GRM7: variants seen among roughly 807,000 people sequenced by gnomAD.
GRM7 encodes metabotropic glutamate receptor 7.
GRM7 carries 35 observed loss-of-function variants against 84.5 expected under a neutral mutation model. The ratio of observed to expected loss-of-function variants is 0.41; its 90% CI spans 0.32 to 0.55. The LOEUF (loss-of-function observed/expected upper bound fraction) is 0.55. Ranked by LOEUF, GRM7 falls within the 20% of genes least tolerant of loss-of-function variation. The probability of loss-of-function intolerance (pLI) is 0.19; values close to 1 mark genes in which losing one functional copy is unlikely to be tolerated. For missense variants in GRM7, 1,003 were observed against 1,194.6 expected, an observed-to-expected ratio of 0.84 and a Z score of 2.36; for synonymous variants, 487 against 455.1, an observed-to-expected ratio of 1.07 and a Z score of -0.89.
intron 1 of GRM7, among the ~76,000 whole-genome samples, chr3:7,081,461 A>G (rs1033040837): frequency 6.6e-6 from 1 of 152,010 alleles, no homozygotes; most frequent in African/African-American, 2.4e-5. Flanking sequence ...TGACTATTCC[A>G]TTGACTGGTT....
At chr3:6,950,982 T>C (rs1468284942) in intron 1 of GRM7, among the ~76,000 whole-genome samples, 5 of 152,198 alleles carry the variant, frequency 3.3e-5, no homozygotes, top group Non-Finnish European at 5.9e-5. Context: ...GGAAAGGGAA[T>C]TCCCTGACCC....
intron 4 of GRM7, 36 bp downstream of exon 4, chr3:7,306,688 A>T (rs746707157): frequency 6.5e-7 from 1 of 1,533,480 alleles, no homozygotes; most frequent in South Asian, 1.3e-5. Flanking sequence ...TGCTGAGAGA[A>T]GTTCTGGTGC....
At chr3:7,579,724 T>G (rs1224722422) in intron 8 of GRM7, among the ~76,000 whole-genome samples, 1 of 152,144 alleles carries the variant, frequency 6.6e-6, no homozygotes, top group Non-Finnish European at 1.5e-5. Flanking sequence ...AGGAGCATAG[T>G]ACCTTCTCCA....
At position 7,557,042 on chromosome 3, in the gene GRM7, A is replaced by G. The variant is rs149908405; in HGVS notation, c.1516-21380A>G. Among the ~76,000 whole-genome samples, 991 of 152,270 alleles carry G rather than the reference A, an allele frequency of 6.5e-3. 8 individuals are homozygous for G. Among genetic ancestry groups the G allele is most frequent in the African/African-American group, 0.022 (920 of 41,550 alleles). On this transcript the variant is annotated intron_variant, in intron 7 of 9. Transcript: ENST00000357716. ...AAAACCCATCTGATGAATTTTAAAC[A>G]GTGAAGAGTAGGGTTACTATGACTA...
chr3:7,398,880 T>G (rs1695328786), intron 4 of GRM7, among the ~76,000 whole-genome samples: 1 of 151,936 alleles, frequency 6.6e-6, no homozygotes. Context: ...TTCTGTACCT[T>G]CCTCCCTCTT....
At chr3:7,049,610 A>G (rs908485035) in intron 1 of GRM7, among the ~76,000 whole-genome samples, 8 of 151,924 alleles carry the variant, frequency 5.3e-5, no homozygotes, top group African/African-American at 1.4e-4. Flanking sequence ...AAACATTTCC[A>G]CAAAAAATAA....
chr3:7,391,558 G>T (rs572427683), intron 4 of GRM7, among the ~76,000 whole-genome samples: 2 of 152,048 alleles, frequency 1.3e-5, no homozygotes, highest in South Asian at 2.1e-4. Flanking sequence ...GGGGCCTGTC[G>T]TGGGGCGGGG....
At chr3:7,651,497 A>G (rs1698936205) in intron 8 of GRM7, among the ~76,000 whole-genome samples, 1 of 152,190 alleles carries the variant, frequency 6.6e-6, no homozygotes, top group Non-Finnish European at 1.5e-5. Flanking sequence ...AAACTGGCAA[A>G]GCTCTTGCTC....
At chr3:7,356,304 T>G (rs1603906) in intron 4 of GRM7, among the ~76,000 whole-genome samples, 2 of 151,460 alleles carry the variant, frequency 1.3e-5, no homozygotes, top group Non-Finnish European at 2.9e-5. Flanking sequence ...AGGATTTTTT[T>G]TTTTTTATTT....
intron 9 of GRM7, among the ~76,000 whole-genome samples, chr3:7,737,644 C>G (rs989413959): frequency 1.1e-4 from 16 of 152,090 alleles, no homozygotes; most frequent in Non-Finnish European, 1.6e-4. Flanking sequence ...AATTGCCCTT[C>G]TAGGACCTGC....
At chr3:7,547,439 C>T (rs1456253684) in intron 7 of GRM7, among the ~76,000 whole-genome samples, 3 of 152,034 alleles carry the variant, frequency 2.0e-5, no homozygotes, top group Non-Finnish European at 4.4e-5. Flanking sequence ...ATCTCCTGAC[C>T]TCGTGATCTG....
At chr3:7,187,585 C>T (rs369940013) in intron 2 of GRM7, among the ~76,000 whole-genome samples, 8 of 152,262 alleles carry the variant, frequency 5.3e-5, no homozygotes, top group East Asian at 1.9e-4. Context: ...GTTGCAGCTC[C>T]GTGATTGCTC....
At chr3:7,200,805 A>G (rs1696040273) in intron 2 of GRM7, among the ~76,000 whole-genome samples, 1 of 152,054 alleles carries the variant, frequency 6.6e-6, no homozygotes, top group Non-Finnish European at 1.5e-5. Context: ...GACTGCAACA[A>G]TTGCAGTTTC....
intron 2 of GRM7, among the ~76,000 whole-genome samples, chr3:7,258,388 C>T (rs1698287326): frequency 6.6e-6 from 1 of 152,014 alleles, no homozygotes; most frequent in Non-Finnish European, 1.5e-5. Flanking sequence ...AACCCTACGG[C>T]CTGGGGTGTA....
chr3:7,029,205 C>G (rs374902920), intron 1 of GRM7, among the ~76,000 whole-genome samples: 14 of 150,142 alleles, frequency 9.3e-5, no homozygotes, highest in African/African-American at 3.2e-4. Context: ...TTGGGAGGCT[C>G]AGGCAGGAGA....
chr3:7,588,389 C>T (rs1277357180), intron 8 of GRM7, among the ~76,000 whole-genome samples: 2 of 152,180 alleles, frequency 1.3e-5, no homozygotes, highest in Non-Finnish European at 2.9e-5. Flanking sequence ...CTCTACCCAC[C>T]CAGCTCAGGA....
chr3:7,656,539 A>ACGCG (rs138474954), intron 8 of GRM7, among the ~76,000 whole-genome samples: 1 of 67,672 alleles, frequency 1.5e-5, no homozygotes, highest in Admixed American at 1.4e-4. Context: ...ATATATATAT[A>ACGCG]CGCGCGCGCA....
intron 7 of GRM7, among the ~76,000 whole-genome samples, chr3:7,559,563 A>G (rs1265327956): frequency 6.6e-6 from 1 of 152,082 alleles, no homozygotes; most frequent in Non-Finnish European, 1.5e-5. Context: ...ATGTGTTTCA[A>G]AGTCTCCCAA....
At chr3:7,148,163 A>G (rs1006992217) in intron 2 of GRM7, among the ~76,000 whole-genome samples, 1 of 152,186 alleles carries the variant, frequency 6.6e-6, no homozygotes, top group Non-Finnish European at 1.5e-5. Context: ...TTGACTTCAT[A>G]AATCCCCAAA....
Sources: gnomAD v4.1 joint callset for allele counts (sites outside exome capture counted in the v4.1 genomes callset) on GRCh38, gnomAD v4.1.1 for gene constraint, MANE v1.5 for transcripts, NCBI Gene and HGNC (gene_info 2026-07-23, HGNC 2026-07-21) for gene names.